Variants in RIMKLB observed in about 807,000 individuals in gnomAD.
RIMKLB encodes beta-citrylglutamate synthase B.
In RIMKLB, 7 loss-of-function variants were observed where a neutral mutation model predicts 32.0. The observed-to-expected ratio is 0.22, with a 90% confidence interval of 0.12 to 0.41. The LOEUF (loss-of-function observed/expected upper bound fraction) is 0.41, where lower values mean the gene tolerates loss of function less well. Among genes scored for constraint, RIMKLB ranks in the 10% least tolerant of loss-of-function variants. The probability of loss-of-function intolerance (pLI) is 1.00; values close to 1 mark genes in which losing one functional copy is unlikely to be tolerated. For synonymous variants in RIMKLB, 172 were observed against 185.1 expected (o/e 0.93, Z 0.57); for missense variants, 289 against 498.7 (o/e 0.58, Z 4.00).
chr12:8,734,843 T>C (rs1383631466), intron 2 of RIMKLB, among the ~76,000 whole-genome samples: 1 of 152,148 alleles, frequency 6.6e-6, no homozygotes, highest in Non-Finnish European at 1.5e-5. Context: ...ATGGAGAAAG[T>C]AATAAATGCC....
chr12:8,738,163 T>C (rs1947191125), intron 2 of RIMKLB, among the ~76,000 whole-genome samples: 1 of 152,174 alleles, frequency 6.6e-6, no homozygotes, highest in Non-Finnish European at 1.5e-5. Context: ...AAGCCGAGCC[T>C]CTTGAGTAGC....
Position 8,728,783 on chromosome 12 carries a change from G to T in RIMKLB, c.175+14742G>T, listed in dbSNP as rs969305423. On this transcript the variant is annotated intron_variant, in intron 2 of 5. Transcript: ENST00000535829. ...GCTAATTGTGTGTGTGTGTGTGTGTGTGTGTTTTTGTTTGTTTGTTTGTTT... is the reference window on the plus strand; with the variant it reads ...GCTAATTGTGTGTGTGTGTGTGTGTTTGTGTTTTTGTTTGTTTGTTTGTTT... Among the ~76,000 whole-genome samples the T allele has an allele frequency of 1.1e-3, 160 of 150,466 alleles. 1 individual carries two copies. Among genetic ancestry groups the T allele is most frequent in the Admixed American group, 1.8e-3 (27 of 15,208 alleles).
At chr12:8,688,319 CA>C (rs1555143514) in intron 1 of RIMKLB, among the ~76,000 whole-genome samples, 1 of 151,808 alleles carries the variant, frequency 6.6e-6, no homozygotes, top group Non-Finnish European at 1.5e-5. Context: ...CAGATTAAGC[CA>C]AGACACAACA....
At chr12:8,767,644 C>T (rs922036105) in intron 5 of RIMKLB, among the ~76,000 whole-genome samples, 5 of 152,160 alleles carry the variant, frequency 3.3e-5, no homozygotes, top group Non-Finnish European at 7.3e-5. Flanking sequence ...GCCATGATCT[C>T]AACCGGCTAA....
intron 2 of RIMKLB, among the ~76,000 whole-genome samples, chr12:8,744,652 GT>G (rs1262637058): frequency 4.6e-5 from 7 of 151,094 alleles, no homozygotes; most frequent in South Asian, 2.1e-4. Flanking sequence ...GATTTTGCTA[GT>G]TTTTTAAACT....
chr12:8,761,840 G>A (rs968464029), intron 5 of RIMKLB, among the ~76,000 whole-genome samples: 3 of 152,212 alleles, frequency 2.0e-5, no homozygotes, highest in Non-Finnish European at 4.4e-5. Context: ...AGTAGGGGTC[G>A]TGCAGTCGAG....
intron 2 of RIMKLB, among the ~76,000 whole-genome samples, chr12:8,714,836 C>T (rs997516020): frequency 1.3e-5 from 2 of 152,278 alleles, no homozygotes; most frequent in East Asian, 3.9e-4. Context: ...GAAAATACTT[C>T]ATAATTTAAT....
chr12:8,735,305 T>C lies in RIMKLB; in HGVS notation c.176-14557T>C, dbSNP rs764122059. 2.6e-5 allele frequency among the ~76,000 whole-genome samples: 4 copies of C among 152,264 alleles called. No homozygotes were observed. In the South Asian group the frequency reaches 8.3e-4, roughly 32 times the overall value. ...AATGCATTGCCACAATCTTGGCCCA[T>C]TGCATCCTCTACCTCCTGGGTTCAA... On this transcript the variant is annotated intron_variant, in intron 2 of 5. Coordinates refer to ENST00000535829, the MANE Select transcript of RIMKLB (RefSeq NM_001297776.2).
intron 1 of RIMKLB, among the ~76,000 whole-genome samples, chr12:8,713,387 G>A (rs1343979341): frequency 3.9e-5 from 6 of 151,990 alleles, no homozygotes; most frequent in Admixed American, 2.6e-4. Context: ...ATACTTAAGC[G>A]GGGTTTCTAG....
chr12:8,775,937 C>G lies in RIMKLB; in HGVS notation c.*2153C>G. 1.0e-6 allele frequency: 1 copy of G among 982,836 alleles called. No individual in the cohort carries two copies. The highest frequency in any genetic ancestry group is 1.2e-6 in the Non-Finnish European group (1 of 827,608). 60.9% of individuals were successfully genotyped at this position (982,836 alleles called of 1,614,324 possible). On this transcript the variant is annotated 3_prime_UTR_variant, in exon 6 of 6. Coordinates refer to ENST00000535829, the MANE Select transcript of RIMKLB (RefSeq NM_001297776.2). The stretch of plus-strand genomic sequence containing the variant: ...CATTAACAGAAAGAAATACTTGGTA[C>G]TTCTTTCGCTGAATGACCATACTGT...
chr12:8,725,538 T>G (rs984496988), intron 2 of RIMKLB, among the ~76,000 whole-genome samples: 1 of 152,062 alleles, frequency 6.6e-6, no homozygotes, highest in African/African-American at 2.4e-5. Context: ...CATCCTAGAG[T>G]TGCATCTTCC....
chr12:8,709,640 C>G (rs1467337383), intron 1 of RIMKLB, among the ~76,000 whole-genome samples: 2 of 152,098 alleles, frequency 1.3e-5, no homozygotes, highest in Non-Finnish European at 2.9e-5. Flanking sequence ...GCATGTCCTC[C>G]TGTGGGAATG....
chr12:8,767,419 C>A (rs868212432), intron 5 of RIMKLB, among the ~76,000 whole-genome samples: 4 of 151,710 alleles, frequency 2.6e-5, no homozygotes, highest in African/African-American at 7.3e-5. Flanking sequence ...TGTAGAGCTT[C>A]CTTAGATCCC....
Position 8,718,665 on chromosome 12 carries a change from A to ATG in RIMKLB, c.175+4625_175+4626insGT, listed in dbSNP as rs1168492811. 1.9e-3 allele frequency among the ~76,000 whole-genome samples: 200 copies of ATG among 104,288 alleles called. 2 individuals carry two copies. Among genetic ancestry groups the ATG allele is most frequent in the East Asian group, 6.9e-3 (31 of 4,522 alleles). The allele number at this position is 104,288 out of a possible 152,430, so 68.4% of individuals were successfully genotyped here. On this transcript the variant is annotated intron_variant, in intron 2 of 5. Transcript: ENST00000535829. The stretch of plus-strand genomic sequence containing the variant: ...TCTCTCTCTCTCTCTATATATATAT[A>ATG]TATATGTGTGTGTGTGTGTGTGTGT...
chr12:8,758,677 G>A (rs1218478034), intron 5 of RIMKLB, among the ~76,000 whole-genome samples: 5 of 152,080 alleles, frequency 3.3e-5, no homozygotes, highest in African/African-American at 1.2e-4. Context: ...TCCGTGTTTA[G>A]GACTTTAATC....
Position 8,775,875 on chromosome 12 carries a change from A to G in RIMKLB, c.*2091A>G, listed in dbSNP as rs1441648358. On this transcript the variant is annotated 3_prime_UTR_variant, in exon 6 of 6. Coordinates refer to ENST00000535829, the MANE Select transcript of RIMKLB (RefSeq NM_001297776.2). ...AAAGAACTTATCTTGCGCAGGGTAA[A>G]TGGGGGACTCACATACATATATTAA... is the stretch of plus-strand genomic sequence containing the variant. The G allele has an allele frequency of 8.1e-6, 8 of 985,032 alleles. No homozygotes were observed. The highest frequency in any genetic ancestry group is 2.4e-6 in the Non-Finnish European group (2 of 829,698). The allele number at this position is 985,032 out of a possible 1,614,324, so 61.0% of individuals were successfully genotyped here. A position where few individuals can be genotyped will look rare whatever the true frequency, so the allele number is the denominator to read the frequency against.
chr12:8,771,883 T>TG (rs1313686479), intron 5 of RIMKLB, among the ~76,000 whole-genome samples: 1 of 152,052 alleles, frequency 6.6e-6, no homozygotes, highest in African/African-American at 2.4e-5. Context: ...GTTTTTGTTT[T>TG]GTTTTGTTTT....
intron 1 of RIMKLB, among the ~76,000 whole-genome samples, chr12:8,707,759 T>G (rs757274664): frequency 3.9e-5 from 6 of 152,186 alleles, no homozygotes; most frequent in African/African-American, 1.2e-4. Flanking sequence ...GAGATTCTTA[T>G]GATTTTAGGA....
chr12:8,771,633 CATTT>C (rs1405438126), intron 5 of RIMKLB, among the ~76,000 whole-genome samples: 1 of 152,128 alleles, frequency 6.6e-6, no homozygotes, highest in African/African-American at 2.4e-5. Context: ...AATCTACTCT[CATTT>C]TTTTCCTTTG....
Sources: gnomAD v4.1 joint callset for allele counts (sites outside exome capture counted in the v4.1 genomes callset) on GRCh38, gnomAD v4.1.1 for gene constraint, MANE v1.5 for transcripts, NCBI Gene and HGNC (gene_info 2026-07-23, HGNC 2026-07-21) for gene names.